INPP4B: variants seen among roughly 807,000 people sequenced by gnomAD.
The protein encoded by INPP4B is inositol polyphosphate 4-phosphatase type II.
INPP4B carries 55 observed loss-of-function variants against 122.5 expected under a neutral mutation model. The ratio of observed to expected loss-of-function variants is 0.45; its 90% CI spans 0.36 to 0.56. INPP4B has a LOEUF of 0.56. Ranked by LOEUF, INPP4B falls within the 20% of genes least tolerant of loss-of-function variation. The pLI, the probability that INPP4B is intolerant of heterozygous loss-of-function variation, is 0.00. For missense variants in INPP4B, 1,000 were observed against 1,097.7 expected (o/e 0.91, Z 1.26); for synonymous variants, 403 against 388.7 (o/e 1.04, Z -0.43).
chr4:142,101,673 T>C lies in INPP4B; in HGVS notation c.2374+6420A>G, dbSNP rs376961652. On this transcript the variant is annotated intron_variant, in intron 23 of 25. Transcript: ENST00000262992. ...AGAGCACAATCTGTGTTATAAATGT[T>C]GTAGCTAGTTTTCTGATTCTCAGCT... Among the ~76,000 whole-genome samples, 30 of 152,242 alleles carry C rather than the reference T, an allele frequency of 2.0e-4. 1 individual carries two copies. In the South Asian group the frequency reaches 6.2e-3, roughly 32 times the overall value.
intron 2 of INPP4B, among the ~76,000 whole-genome samples, chr4:142,532,360 C>G (rs1827719906): frequency 6.6e-6 from 1 of 152,112 alleles, no homozygotes; most frequent in Non-Finnish European, 1.5e-5. Context: ...TGCCGGGACA[C>G]CTTTTACTCT....
intron 2 of INPP4B, among the ~76,000 whole-genome samples, chr4:142,533,698 A>G (rs1244294293): frequency 1.3e-5 from 2 of 152,208 alleles, no homozygotes; most frequent in Admixed American, 6.5e-5. Flanking sequence ...CCTTGACTGC[A>G]TTAGCAAAAT....
At chr4:142,750,723 G>C (rs1769560439) in intron 1 of INPP4B, among the ~76,000 whole-genome samples, 1 of 152,060 alleles carries the variant, frequency 6.6e-6, no homozygotes, top group Non-Finnish European at 1.5e-5. Context: ...AGGGCCCCTT[G>C]GCAGATGGGT....
chr4:142,359,206 CA>C (rs1295001232), intron 7 of INPP4B, among the ~76,000 whole-genome samples: 1 of 147,416 alleles, frequency 6.8e-6, no homozygotes, highest in Non-Finnish European at 1.5e-5. Context: ...AGAACACTGG[CA>C]AAAAACAAAC....
At chr4:142,383,280 C>T (rs1050913867) in intron 7 of INPP4B, among the ~76,000 whole-genome samples, 1 of 152,040 alleles carries the variant, frequency 6.6e-6, no homozygotes, top group African/African-American at 2.4e-5. Flanking sequence ...TTAAACCTAC[C>T]TAGTCCTCAT....
At chr4:142,477,041 T>C (rs933816214) in intron 2 of INPP4B, among the ~76,000 whole-genome samples, 1 of 152,142 alleles carries the variant, frequency 6.6e-6, no homozygotes, top group African/African-American at 2.4e-5. Flanking sequence ...AACCACACAA[T>C]TGGTGATAAA....
At position 142,122,081 on chromosome 4, in the gene INPP4B, C is replaced by T. The variant is rs555525429; in HGVS notation, c.2135+47G>A. On this transcript the variant is annotated intron_variant, in intron 21 of 25. Transcript: ENST00000262992. ...TTGCCTCCTCTGACAGGAGTTAACA[C>T]GACATGTCTAACAAAGCCTGGTCTT... is the stretch of plus-strand genomic sequence containing the variant. 21 of 1,205,098 alleles carry T rather than the reference C, an allele frequency of 1.7e-5. No individual in the cohort carries two copies. In the East Asian group the frequency reaches 2.7e-4, roughly 15 times the overall value. The allele number at this position is 1,205,098 out of a possible 1,614,324, so 74.7% of individuals were successfully genotyped here. A position where few individuals can be genotyped will look rare whatever the true frequency, so the allele number is the denominator to read the frequency against.
chr4:142,712,413 A>C (rs966522572), intron 2 of INPP4B, among the ~76,000 whole-genome samples: 1 of 152,210 alleles, frequency 6.6e-6, no homozygotes, highest in African/African-American at 2.4e-5. Context: ...GCAGATACCT[A>C]TACATGAGCC....
At chr4:142,559,243 C>T (rs1258870408) in intron 2 of INPP4B, among the ~76,000 whole-genome samples, 3 of 152,116 alleles carry the variant, frequency 2.0e-5, no homozygotes, top group African/African-American at 4.8e-5. Context: ...CATAAAATGG[C>T]AGTGCATTCA....
intron 1 of INPP4B, among the ~76,000 whole-genome samples, chr4:142,781,303 T>A (rs139790846): frequency 8.5e-5 from 13 of 152,342 alleles, no homozygotes; most frequent in Admixed American, 3.3e-4. Flanking sequence ...TTTCCTCTGC[T>A]GATGAGTCAT....
At chr4:142,457,909 T>C (rs1815827526) in intron 3 of INPP4B, among the ~76,000 whole-genome samples, 1 of 152,182 alleles carries the variant, frequency 6.6e-6, no homozygotes, top group Admixed American at 6.6e-5. Context: ...TCTGGTAGTT[T>C]CTTATAAAAT....
chr4:142,359,279 C>G (rs1784640441), intron 7 of INPP4B, among the ~76,000 whole-genome samples: 1 of 151,650 alleles, frequency 6.6e-6, no homozygotes, highest in Admixed American at 6.6e-5. Context: ...CCAGGCTCCA[C>G]TAAACAACTA....
At chr4:142,445,028 A>AG (rs909473377) in intron 3 of INPP4B, among the ~76,000 whole-genome samples, 6 of 152,048 alleles carry the variant, frequency 3.9e-5, no homozygotes, top group Admixed American at 3.9e-4. Context: ...GTGGAGGCCA[A>AG]GGGGAGGGAG....
chr4:142,174,148 AT>A (rs1188393864), intron 15 of INPP4B, among the ~76,000 whole-genome samples: 1 of 152,082 alleles, frequency 6.6e-6, no homozygotes, highest in Non-Finnish European at 1.5e-5. Context: ...TAGTATTACT[AT>A]TAATTCCTAA....
intron 7 of INPP4B, among the ~76,000 whole-genome samples, chr4:142,388,220 A>AT (rs1796556939): frequency 6.6e-6 from 1 of 152,204 alleles, no homozygotes; most frequent in African/African-American, 2.4e-5. Context: ...ATCCAGGAAT[A>AT]TTGGCCACTC....
intron 23 of INPP4B, among the ~76,000 whole-genome samples, chr4:142,097,935 C>T (rs1475020807): frequency 6.6e-6 from 1 of 152,090 alleles, no homozygotes; most frequent in Non-Finnish European, 1.5e-5. Flanking sequence ...CCTCCTGGAG[C>T]TTACATTCTG....
chr4:142,822,722 C>T (rs1019561316), intron 1 of INPP4B, among the ~76,000 whole-genome samples: 2 of 152,084 alleles, frequency 1.3e-5, no homozygotes, highest in Non-Finnish European at 2.9e-5. Context: ...AATATATTGC[C>T]TTCTGTTACA....
chr4:142,235,482 C>T (rs762153842), intron 12 of INPP4B, among the ~76,000 whole-genome samples: 3 of 152,046 alleles, frequency 2.0e-5, no homozygotes, highest in East Asian at 1.9e-4. Flanking sequence ...AGTGCAGTGG[C>T]GCGATCTCAG....
intron 2 of INPP4B, among the ~76,000 whole-genome samples, chr4:142,568,756 T>C (rs1732178596): frequency 6.6e-6 from 1 of 152,154 alleles, no homozygotes; most frequent in Admixed American, 6.6e-5. Context: ...TATATTTCAA[T>C]ATACAATTTA....
Sources: gnomAD v4.1 joint callset for allele counts (sites outside exome capture counted in the v4.1 genomes callset) on GRCh38, gnomAD v4.1.1 for gene constraint, MANE v1.5 for transcripts, NCBI Gene and HGNC (gene_info 2026-07-23, HGNC 2026-07-21) for gene names.